Variants in DPP10 observed in about 807,000 individuals in gnomAD.
DPP10 encodes dipeptidyl peptidase like 10.
Under a neutral mutation model 120.9 loss-of-function variants are expected in DPP10, and 33 were observed. The ratio of observed to expected loss-of-function variants is 0.27; its 90% CI spans 0.21 to 0.37. The LOEUF (loss-of-function observed/expected upper bound fraction) is 0.37, where lower values mean the gene tolerates loss of function less well. Ranked by LOEUF, DPP10 falls within the 10% of genes least tolerant of loss-of-function variation. DPP10 has a pLI of 1.00. For synonymous variants in DPP10, 337 were observed against 326.1 expected (o/e 1.03, Z -0.36); for missense variants, 816 against 942.8 (o/e 0.87, Z 1.76).
intron 3 of DPP10, among the ~76,000 whole-genome samples, chr2:115,487,121 A>G (rs1365107041): frequency 6.6e-6 from 1 of 151,810 alleles, no homozygotes; most frequent in Non-Finnish European, 1.5e-5. Flanking sequence ...GTGAACTCCC[A>G]TTCACAATTG....
chr2:114,873,618 G>T (rs1690887460), intron 1 of DPP10, among the ~76,000 whole-genome samples: 3 of 152,106 alleles, frequency 2.0e-5, no homozygotes, highest in Admixed American at 2.0e-4. Flanking sequence ...CAAAGAGGTT[G>T]CTTCTGAATA....
intron 1 of DPP10, among the ~76,000 whole-genome samples, chr2:114,998,441 GTAA>G (rs1701236200): frequency 1.3e-5 from 2 of 152,242 alleles, no homozygotes; most frequent in Admixed American, 6.5e-5. Flanking sequence ...TTAGTTGCAA[GTAA>G]TAATTTTTTA....
At chr2:115,617,109 G>A (rs2084564627) in intron 5 of DPP10, among the ~76,000 whole-genome samples, 1 of 149,228 alleles carries the variant, frequency 6.7e-6, no homozygotes, top group South Asian at 2.1e-4. Context: ...TTTTTTTCAG[G>A]TGCTGGGGAT....
intron 1 of DPP10, among the ~76,000 whole-genome samples, chr2:115,162,437 A>G (rs575750997): frequency 2.6e-5 from 4 of 152,246 alleles, no homozygotes; most frequent in Admixed American, 6.5e-5. Context: ...CCGTCCTCCT[A>G]TAGCCGGGGC....
intron 3 of DPP10, among the ~76,000 whole-genome samples, chr2:115,375,448 A>C (rs904778661): frequency 1.3e-5 from 2 of 152,190 alleles, no homozygotes; most frequent in Non-Finnish European, 1.5e-5. Flanking sequence ...CAATTAAACA[A>C]GTATCTGGGA....
At chr2:114,691,714 C>CT (rs553690514) in intron 1 of DPP10, among the ~76,000 whole-genome samples, 15 of 151,980 alleles carry the variant, frequency 9.9e-5, no homozygotes, top group Non-Finnish European at 1.8e-4. Context: ...TAGTCCTGGG[C>CT]TTTTTTTGGT....
intron 1 of DPP10, chr2:115,161,973 A>T (rs1176043971): frequency 7.0e-7 from 1 of 1,420,598 alleles, no homozygotes; most frequent in Non-Finnish European, 9.1e-7. Context: ...GCCGCGAAGC[A>T]GGAGCCGCAG....
chr2:115,404,049 G>A (rs2068319973), intron 3 of DPP10, among the ~76,000 whole-genome samples: 1 of 152,092 alleles, frequency 6.6e-6, no homozygotes, highest in Non-Finnish European at 1.5e-5. Flanking sequence ...AAATACCTGA[G>A]TATTAGACCA....
At chr2:115,834,978 C>A (rs541748077) in intron 21 of DPP10, among the ~76,000 whole-genome samples, 17 of 151,868 alleles carry the variant, frequency 1.1e-4, no homozygotes, top group Non-Finnish European at 2.4e-4. Flanking sequence ...CCCAGCTGCT[C>A]GGGAGGCTGA....
chr2:115,005,353 C>T (rs1574679506), intron 1 of DPP10, among the ~76,000 whole-genome samples: 1 of 152,166 alleles, frequency 6.6e-6, no homozygotes, highest in Non-Finnish European at 1.5e-5. Context: ...AGCAATGGAA[C>T]AAAGCTGGAC....
chr2:114,829,651 A>G (rs1686900738), intron 1 of DPP10, among the ~76,000 whole-genome samples: 1 of 151,702 alleles, frequency 6.6e-6, no homozygotes, highest in Non-Finnish European at 1.5e-5. Context: ...TGCTCGGATT[A>G]CAGGCGTGAG....
intron 1 of DPP10, among the ~76,000 whole-genome samples, chr2:115,177,470 ATCT>A (rs1487408374): frequency 1.3e-5 from 2 of 152,146 alleles, no homozygotes; most frequent in African/African-American, 2.4e-5. Flanking sequence ...AAAACACACA[ATCT>A]TCTTTAATTT....
intron 1 of DPP10, among the ~76,000 whole-genome samples, chr2:114,953,863 T>C (rs1049571974): frequency 3.3e-5 from 5 of 152,164 alleles, no homozygotes; most frequent in African/African-American, 1.2e-4. Context: ...TAATAAATAC[T>C]GTGATTAGTG....
chr2:114,832,335 C>T (rs1449539161), intron 1 of DPP10, among the ~76,000 whole-genome samples: 1 of 152,136 alleles, frequency 6.6e-6, no homozygotes, highest in Non-Finnish European at 1.5e-5. Context: ...AGATCGAGAC[C>T]ATCCTGGCTA....
At chr2:115,501,214 T>A (rs1439051953) in intron 4 of DPP10, among the ~76,000 whole-genome samples, 1 of 152,132 alleles carries the variant, frequency 6.6e-6, no homozygotes, top group Non-Finnish European at 1.5e-5. Flanking sequence ...CATTAAATAC[T>A]CATTTACACA....
chr2:115,777,129 A>G (rs1682197786), intron 13 of DPP10, 79 bp from the exon 14 acceptor site: 1 of 1,266,440 alleles, frequency 7.9e-7, no homozygotes. Flanking sequence ...GAAGTGTCAC[A>G]AGCAGTTGGT....
intron 8 of DPP10, among the ~76,000 whole-genome samples, chr2:115,729,859 G>T (rs980741115): frequency 1.3e-5 from 2 of 152,070 alleles, no homozygotes; most frequent in African/African-American, 4.8e-5. Context: ...GTTAACAAGT[G>T]TTACGCATGA....
chr2:115,148,363 T>A (rs1197728129), intron 1 of DPP10, among the ~76,000 whole-genome samples: 1 of 152,122 alleles, frequency 6.6e-6, no homozygotes. Context: ...GAGATGAGGA[T>A]CTCAGTGACA....
intron 7 of DPP10, among the ~76,000 whole-genome samples, chr2:115,715,661 G>A (rs1412998107): frequency 6.6e-6 from 1 of 152,222 alleles, no homozygotes; most frequent in East Asian, 1.9e-4. Flanking sequence ...CAGTGAAACT[G>A]TAGAGGAATG....
Sources: allele counts gnomAD v4.1 joint callset (sites outside exome capture counted in the v4.1 genomes callset), GRCh38; gene constraint gnomAD v4.1.1; transcripts MANE v1.5; gene names NCBI Gene and HGNC (gene_info 2026-07-23, HGNC 2026-07-21).